BNC2: variants seen among roughly 807,000 people sequenced by gnomAD.
BNC2 encodes zinc finger protein basonuclin-2.
Under a neutral mutation model 76.3 loss-of-function variants are expected in BNC2, and 20 were observed. The ratio of observed to expected loss-of-function variants is 0.26; its 90% CI spans 0.18 to 0.38. BNC2 has a LOEUF of 0.38. BNC2 is among the 10% of genes least tolerant of loss of function. BNC2 has a pLI of 1.00. For missense variants in BNC2, 1,382 were observed against 1,399.8 expected (o/e 0.99, Z 0.20); for synonymous variants, 582 against 514.8 (o/e 1.13, Z -1.77).
chr9:16,574,427 C>T (rs559949133), intron 4 of BNC2, among the ~76,000 whole-genome samples: 5 of 152,028 alleles, frequency 3.3e-5, no homozygotes, highest in South Asian at 2.1e-4. Flanking sequence ...TTTTAACTGG[C>T]GCAATTCTCA....
At chr9:16,451,267 G>A (rs1821334459) in intron 5 of BNC2, among the ~76,000 whole-genome samples, 1 of 151,940 alleles carries the variant, frequency 6.6e-6, no homozygotes, top group Non-Finnish European at 1.5e-5. Context: ...GGGCAATCCT[G>A]GAAGGATCAA....
intron 6 of BNC2, among the ~76,000 whole-genome samples, chr9:16,424,595 C>T (rs1820770009): frequency 6.6e-6 from 1 of 152,116 alleles, no homozygotes; most frequent in Non-Finnish European, 1.5e-5. Context: ...ATAACATATA[C>T]ATACCATATG....
At chr9:16,564,405 T>A (rs540981902) in intron 4 of BNC2, among the ~76,000 whole-genome samples, 3 of 152,260 alleles carry the variant, frequency 2.0e-5, no homozygotes, top group African/African-American at 7.2e-5. Context: ...GTAGTAAAGA[T>A]GAGGCACAGC....
intron 1 of BNC2, among the ~76,000 whole-genome samples, chr9:16,847,863 T>C (rs1563969809): frequency 6.6e-6 from 1 of 152,182 alleles, no homozygotes; most frequent in Non-Finnish European, 1.5e-5. Flanking sequence ...TAAAGTATGA[T>C]TAAGCTCATA....
At chr9:16,567,609 CT>C (rs1302033929) in intron 4 of BNC2, among the ~76,000 whole-genome samples, 2 of 152,048 alleles carry the variant, frequency 1.3e-5, no homozygotes, top group East Asian at 3.9e-4. Flanking sequence ...TATTCAGATA[CT>C]TTTTTTTCTT....
intron 5 of BNC2, among the ~76,000 whole-genome samples, chr9:16,487,193 T>C (rs1178800186): frequency 6.6e-6 from 1 of 152,188 alleles, no homozygotes; most frequent in African/African-American, 2.4e-5. Flanking sequence ...AAGCACAGTC[T>C]TGAGGGGGTC....
intron 5 of BNC2, among the ~76,000 whole-genome samples, chr9:16,443,748 C>G (rs1314436662): frequency 6.6e-6 from 1 of 152,154 alleles, no homozygotes; most frequent in Non-Finnish European, 1.5e-5. Flanking sequence ...GACCCAAAGA[C>G]ATACATACGC....
At chr9:16,585,005 G>A (rs1351472981) in intron 3 of BNC2, among the ~76,000 whole-genome samples, 2 of 151,802 alleles carry the variant, frequency 1.3e-5, no homozygotes, top group African/African-American at 4.8e-5. Context: ...ATCAAGGGAG[G>A]GCCAATAAAA....
intron 3 of BNC2, among the ~76,000 whole-genome samples, chr9:16,586,591 A>G (rs1178887680): frequency 1.1e-5 from 1 of 88,490 alleles, no homozygotes; most frequent in African/African-American, 3.9e-5. Flanking sequence ...TCTGGCATCA[A>G]CTGCTCTCTC....
At chr9:16,533,248 G>C (rs1041299876) in intron 5 of BNC2, among the ~76,000 whole-genome samples, 2 of 152,272 alleles carry the variant, frequency 1.3e-5, no homozygotes, top group East Asian at 3.9e-4. Flanking sequence ...TATATGGTTT[G>C]TGTCTTGGAC....
At position 16,670,377 on chromosome 9, in the gene BNC2, C is replaced by T. The variant is rs145246804; in HGVS notation, c.330+57420G>A. 4.1e-3 allele frequency among the ~76,000 whole-genome samples: 622 copies of T among 152,232 alleles called. 1 individual carries two copies. Among genetic ancestry groups the T allele is most frequent in the Admixed American group, 7.7e-3 (118 of 15,276 alleles). On this transcript the variant is annotated intron_variant, in intron 3 of 6. Transcript: ENST00000380672. Reference sequence around the variant, plus strand: ...GTCACCCAGGCTGGAATTCAGGGCGCGATCATAGTTCACTGTTCCCTTGAA... The same window carrying T: ...GTCACCCAGGCTGGAATTCAGGGCGTGATCATAGTTCACTGTTCCCTTGAA...
At chr9:16,660,300 C>A (rs1040961990) in intron 3 of BNC2, among the ~76,000 whole-genome samples, 4 of 152,000 alleles carry the variant, frequency 2.6e-5, no homozygotes, top group African/African-American at 7.2e-5. Flanking sequence ...ACTAAAAATA[C>A]AAAATTAACC....
intron 5 of BNC2, among the ~76,000 whole-genome samples, chr9:16,477,981 G>A (rs1257272843): frequency 2.0e-5 from 3 of 152,066 alleles, no homozygotes; most frequent in East Asian, 1.9e-4. Flanking sequence ...AGACTTGAGC[G>A]GGCCCCTGCA....
chr9:16,456,649 C>G (rs1232693064), intron 5 of BNC2, among the ~76,000 whole-genome samples: 1 of 152,104 alleles, frequency 6.6e-6, no homozygotes, highest in African/African-American at 2.4e-5. Context: ...CCCAAATGCT[C>G]TGGCAGATAT....
chr9:16,422,505 C>T (rs1035583671), intron 6 of BNC2, among the ~76,000 whole-genome samples: 1 of 152,158 alleles, frequency 6.6e-6, no homozygotes, highest in Non-Finnish European at 1.5e-5. Context: ...CATTATGCAA[C>T]CACAGTTCAA....
At chr9:16,533,308 G>C (rs967056352) in intron 5 of BNC2, among the ~76,000 whole-genome samples, 5 of 152,080 alleles carry the variant, frequency 3.3e-5, no homozygotes, top group African/African-American at 9.7e-5. Context: ...TTAAGTATCA[G>C]GCACACAGGT....
chr9:16,823,093 T>C lies in BNC2; in HGVS notation c.3+47553A>G, dbSNP rs532065712. Reference sequence around the variant, plus strand: ...GCTATCAAATCAGTCTTCTTCATACTAGGAAATTGAGCTAAGTTTCCTGAA... The same window carrying C: ...GCTATCAAATCAGTCTTCTTCATACCAGGAAATTGAGCTAAGTTTCCTGAA... On this transcript the variant is annotated intron_variant, in intron 1 of 6. Transcript: ENST00000380672. Among the ~76,000 whole-genome samples the C allele has an allele frequency of 5.9e-5, 9 of 152,316 alleles. 1 individual carries two copies. The highest frequency in any genetic ancestry group is 6.8e-3 in the Middle Eastern group (2 of 294).
At chr9:16,455,758 C>T (rs1253753316) in intron 5 of BNC2, among the ~76,000 whole-genome samples, 2 of 150,724 alleles carry the variant, frequency 1.3e-5, no homozygotes, top group African/African-American at 2.5e-5. Context: ...CACCATTGCA[C>T]TCCAGCCTGG....
intron 5 of BNC2, among the ~76,000 whole-genome samples, chr9:16,482,161 G>A (rs1313671340): frequency 6.6e-6 from 1 of 152,084 alleles, no homozygotes; most frequent in Admixed American, 6.6e-5. Flanking sequence ...TGATACCACA[G>A]GGGAAATTAT....
Sources: gnomAD v4.1 joint callset for allele counts (sites outside exome capture counted in the v4.1 genomes callset) on GRCh38, gnomAD v4.1.1 for gene constraint, MANE v1.5 for transcripts, NCBI Gene and HGNC (gene_info 2026-07-23, HGNC 2026-07-21) for gene names.